The following ARHGAP28 variants were observed in gnomAD, a reference collection of about 807,000 sequenced individuals.
The protein encoded by ARHGAP28 is rho GTPase-activating protein 28.
A neutral mutation model predicts 90.7 loss-of-function variants in ARHGAP28; 56 were observed. That is an observed-to-expected ratio of 0.62 (90% CI 0.50 to 0.77). ARHGAP28 has a LOEUF of 0.77. Ranked by LOEUF, ARHGAP28 falls within the 30% of genes least tolerant of loss-of-function variation. The pLI is 0.00. For synonymous variants in ARHGAP28, 308 were observed against 323.3 expected, an observed-to-expected ratio of 0.95 and a Z score of 0.51; for missense variants, 869 against 900.9, an observed-to-expected ratio of 0.96 and a Z score of 0.45.
At chr18:6,911,833 G>C (rs1465175992) in intron 17 of ARHGAP28, among the ~76,000 whole-genome samples, 1 of 151,744 alleles carries the variant, frequency 6.6e-6, no homozygotes, top group Non-Finnish European at 1.5e-5. Context: ...AGATTTGTTT[G>C]ATATACCCAT....
intron 4 of ARHGAP28, among the ~76,000 whole-genome samples, chr18:6,854,068 A>C (rs541997081): frequency 1.3e-5 from 2 of 151,942 alleles, no homozygotes; most frequent in South Asian, 4.2e-4. Context: ...CTCACCACTT[A>C]GTTACATGAA....
At chr18:6,823,864 A>G (rs1181732694) in intron 1 of ARHGAP28, among the ~76,000 whole-genome samples, 1 of 152,002 alleles carries the variant, frequency 6.6e-6, no homozygotes, top group Admixed American at 6.5e-5. Flanking sequence ...CTCCCATCTC[A>G]GCCTCCCAAA....
At chr18:6,815,622 C>T (rs2056585067) in intron 1 of ARHGAP28, among the ~76,000 whole-genome samples, 1 of 152,010 alleles carries the variant, frequency 6.6e-6, no homozygotes, top group South Asian at 2.1e-4. Context: ...CTCCCTCAGA[C>T]AAAGATGGGG....
At chr18:6,891,738 C>T (rs1041071404) in intron 14 of ARHGAP28, among the ~76,000 whole-genome samples, 19 of 152,102 alleles carry the variant, frequency 1.2e-4, no homozygotes, top group Non-Finnish European at 1.3e-4. Context: ...CAGATGCATA[C>T]CACCATACCT....
At chr18:6,861,674 A>G (rs1394796659) in intron 5 of ARHGAP28, among the ~76,000 whole-genome samples, 2 of 152,194 alleles carry the variant, frequency 1.3e-5, no homozygotes, top group African/African-American at 4.8e-5. Flanking sequence ...GATGGTAGGC[A>G]TGCCTTCCTT....
intron 12 of ARHGAP28, 93 bp from the exon 13 acceptor site, chr18:6,889,795 G>A (rs1008066382): frequency 1.2e-4 from 137 of 1,179,396 alleles, no homozygotes; most frequent in Non-Finnish European, 3.7e-5. Context: ...ACAGTTCTCT[G>A]GCAGCAGAGT....
intron 10 of ARHGAP28, among the ~76,000 whole-genome samples, chr18:6,876,701 C>A (rs1194729650): frequency 1.3e-5 from 2 of 152,162 alleles, no homozygotes; most frequent in African/African-American, 4.8e-5. Flanking sequence ...AAAGCTCTTA[C>A]AGGAATTTGT....
intron 5 of ARHGAP28, among the ~76,000 whole-genome samples, chr18:6,864,638 A>G (rs1363732480): frequency 6.6e-6 from 1 of 152,104 alleles, no homozygotes; most frequent in African/African-American, 2.4e-5. Flanking sequence ...GACTCTAAAT[A>G]GTTGCCCGTA....
chr18:6,841,157 T>TCACTCTCTCTCCCCTCTCTCTC (rs2056808776), intron 3 of ARHGAP28, among the ~76,000 whole-genome samples: 1 of 70,282 alleles, frequency 1.4e-5, no homozygotes, highest in Non-Finnish European at 2.8e-5. Context: ...TCTCTCCTCT[T>TCACTCTCTCTCCCCTCTCTCTC]TCTCTCTCTC....
rs150090879 is a variant in ARHGAP28 at position 6,898,495 on chromosome 18, A to T, written c.2030+1869A>T. The T allele has an allele frequency of 6.3e-5, 102 of 1,614,010 alleles. No homozygotes were observed. In the Admixed American group the frequency reaches 8.0e-4, roughly 13 times the overall value. ...CTAAATGGAAAATGGGTTAAAAAAG[A>T]AAGAGAAGAGTCGACAGAGACCAAC... On this transcript the variant is annotated intron_variant, in intron 16 of 17. Transcript: ENST00000383472.
chr18:6,817,015 G>T (rs2056595496), intron 1 of ARHGAP28, among the ~76,000 whole-genome samples: 1 of 151,834 alleles, frequency 6.6e-6, no homozygotes, highest in Non-Finnish European at 1.5e-5. Context: ...TCTTGAGTCT[G>T]GGAGATTGAG....
At chr18:6,859,922 T>C in intron 5 of ARHGAP28, 25 bp downstream of exon 5, 2 of 1,597,944 alleles carry the variant, frequency 1.3e-6, no homozygotes, top group African/African-American at 2.7e-5. Flanking sequence ...TCAGCACAGT[T>C]ACATGTCAAG....
At chr18:6,800,887 T>C (rs1394842567) in intron 1 of ARHGAP28, among the ~76,000 whole-genome samples, 4 of 152,230 alleles carry the variant, frequency 2.6e-5, no homozygotes, top group African/African-American at 9.6e-5. Flanking sequence ...TGATTATTAC[T>C]GAATTTTGAA....
intron 2 of ARHGAP28, among the ~76,000 whole-genome samples, chr18:6,827,764 G>A (rs562473770): frequency 1.5e-4 from 23 of 150,228 alleles, no homozygotes; most frequent in African/African-American, 5.1e-4. Context: ...GTTGCCAGGC[G>A]GAGGGTCTCC....
chr18:6,827,524 G>A (rs1342614574), intron 2 of ARHGAP28, among the ~76,000 whole-genome samples: 12 of 143,606 alleles, frequency 8.4e-5, no homozygotes, highest in African/African-American at 1.8e-4. Flanking sequence ...CGGACGGGGC[G>A]GCTGACCGGG....
At chr18:6,779,515 G>A (rs902655583) in intron 1 of ARHGAP28, among the ~76,000 whole-genome samples, 1 of 152,102 alleles carries the variant, frequency 6.6e-6, no homozygotes, top group Admixed American at 6.5e-5. Flanking sequence ...TTATATTAGA[G>A]GCTTTCCATT....
At chr18:6,854,394 T>C (rs534197018) in intron 4 of ARHGAP28, among the ~76,000 whole-genome samples, 1 of 152,216 alleles carries the variant, frequency 6.6e-6, no homozygotes, top group Non-Finnish European at 1.5e-5. Flanking sequence ...TTCACAAAGA[T>C]CTTCTTTTTA....
chr18:6,890,145 GCCT>G (rs1041765279), intron 13 of ARHGAP28, 60 bp downstream of exon 13: 28 of 1,584,722 alleles, frequency 1.8e-5, no homozygotes, highest in Non-Finnish European at 2.4e-5. Context: ...GAAACATAAA[GCCT>G]CCATGATTGG....
intron 2 of ARHGAP28, among the ~76,000 whole-genome samples, chr18:6,832,876 C>T (rs968552696): frequency 6.6e-6 from 1 of 151,982 alleles, no homozygotes; most frequent in Non-Finnish European, 1.5e-5. Context: ...GCTGTTCAGG[C>T]ATTTTAATAT....
Sources: allele counts gnomAD v4.1 joint callset (sites outside exome capture counted in the v4.1 genomes callset), GRCh38; gene constraint gnomAD v4.1.1; transcripts MANE v1.5; gene names NCBI Gene and HGNC (gene_info 2026-07-23, HGNC 2026-07-21).